The following VPS13A variants were observed in gnomAD, a reference collection of about 807,000 sequenced individuals.
VPS13A encodes the protein vacuolar protein sorting 13 homolog A.
VPS13A carries 264 observed loss-of-function variants against 390.9 expected under a neutral mutation model. The ratio of observed to expected loss-of-function variants is 0.68; its 90% confidence interval spans 0.61 to 0.75. VPS13A has a LOEUF of 0.75. Ranked by LOEUF, VPS13A falls within the 30% of genes least tolerant of loss-of-function variation. The probability of loss-of-function intolerance (pLI) is 0.00; values close to 1 mark genes in which losing one functional copy is unlikely to be tolerated. For missense variants in VPS13A, 3,409 were observed against 3,733.9 expected, an observed-to-expected ratio of 0.91 and a Z score of 2.27; for synonymous variants, 1,231 against 1,227.1, an observed-to-expected ratio of 1.00 and a Z score of -0.07.
At chr9:77,281,524 A>G (rs1789069641) in intron 27 of VPS13A, among the ~76,000 whole-genome samples, 1 of 152,116 alleles carries the variant, frequency 6.6e-6, no homozygotes. Context: ...TTTTAAATAC[A>G]GGAAGAATTA....
intron 67 of VPS13A, among the ~76,000 whole-genome samples, chr9:77,376,510 T>A (rs1411852651): frequency 6.6e-6 from 1 of 152,140 alleles, no homozygotes; most frequent in South Asian, 2.1e-4. Context: ...TTAAAGATAG[T>A]GGCAATAGCA....
At chr9:77,387,181 C>G (rs1375990606) in intron 68 of VPS13A, among the ~76,000 whole-genome samples, 1 of 149,968 alleles carries the variant, frequency 6.7e-6, no homozygotes, top group African/African-American at 2.4e-5. Context: ...CACCATTGTT[C>G]TCTTGATGGA....
chr9:77,373,818 T>G (rs1832926609), intron 67 of VPS13A, among the ~76,000 whole-genome samples: 1 of 151,778 alleles, frequency 6.6e-6, no homozygotes, highest in Non-Finnish European at 1.5e-5. Flanking sequence ...CATCAAAAAG[T>G]GGGCGAAGGA....
Position 77,295,697 on chromosome 9 carries a change from G to A in VPS13A, c.3663G>A (p.Pro1221=), listed in dbSNP as rs746940666. Residue 1221 remains proline, a synonymous_variant, in exon 33 of 72, where the codon CCG becomes CCA. Transcript: ENST00000360280. ...TCAAAGCCCCAGTTGTGGTCATCCCGCAGTCTCCAGTTTCTGAAAATGTTT... is the reference window on the plus strand; with the variant it reads ...TCAAAGCCCCAGTTGTGGTCATCCCACAGTCTCCAGTTTCTGAAAATGTTT... ...INIKAPVVVI[P]QSPVSENVFV... The A allele has an allele frequency of 2.1e-5, 34 of 1,613,854 alleles. No individual in the cohort carries two copies. The highest frequency in any genetic ancestry group is 1.6e-4 in the Middle Eastern group (1 of 6,082).
At chr9:77,381,067 C>A (rs1370470644) in intron 67 of VPS13A, among the ~76,000 whole-genome samples, 1 of 152,176 alleles carries the variant, frequency 6.6e-6, no homozygotes, top group Non-Finnish European at 1.5e-5. Flanking sequence ...ATTGAGTGGT[C>A]ACTTATGACC....
intron 46 of VPS13A, among the ~76,000 whole-genome samples, chr9:77,335,582 G>T (rs1360904720): frequency 6.6e-6 from 1 of 152,136 alleles, no homozygotes; most frequent in Non-Finnish European, 1.5e-5. Flanking sequence ...CATTTATGTG[G>T]CCAACAAATG....
chr9:77,211,464 C>A (rs1825969436), intron 7 of VPS13A: 1 of 152,000 alleles, frequency 6.6e-6, no homozygotes, highest in South Asian at 2.1e-4. Flanking sequence ...CTGTGTATTT[C>A]ATTGCATGAT....
At chr9:77,332,876 T>C (rs1830348716) in intron 46 of VPS13A, among the ~76,000 whole-genome samples, 2 of 152,196 alleles carry the variant, frequency 1.3e-5, no homozygotes, top group Admixed American at 1.3e-4. Context: ...CTGCAAACAG[T>C]GCTTACCTGT....
chr9:77,206,010 C>G lies in VPS13A; in HGVS notation c.316C>G (p.Gln106Glu). Residue 106 changes from glutamine to glutamate, a missense_variant, in exon 5 of 72, where the codon CAA (glutamine) becomes GAA (glutamate). By Grantham distance (29) the Gln-to-Glu change is conservative (BLOSUM62 2). Around this residue, in one of 5 missense-constraint regions of VPS13A, gnomAD observed 2,717 missense variants for 2,917.4 expected, o/e 0.93. Coordinates refer to ENST00000360280, the MANE Select transcript of VPS13A (RefSeq NM_033305.3). Reference protein sequence around the residue: ...IKYDPLKEEKQLMEAKQQELK... With the variant: ...IKYDPLKEEKELMEAKQQELK... ...ATATGATCCTTTAAAAGAAGAGAAA[C>G]AACTCATGGAAGCAAAGCAACAGGA... The G allele has an allele frequency of 6.3e-7, 1 of 1,581,266 alleles. No homozygotes were observed. Among genetic ancestry groups the G allele is most frequent in the Non-Finnish European group, 8.6e-7 (1 of 1,161,780 alleles).
At chr9:77,315,132 C>A in intron 37 of VPS13A, 121 bp from the exon 38 acceptor site, 2 of 859,226 alleles carry the variant, frequency 2.3e-6, no homozygotes, top group Non-Finnish European at 3.7e-6. Flanking sequence ...TCCCAAGAGA[C>A]ATGACTTCAG....
chr9:77,228,217 A>G lies in VPS13A; in HGVS notation c.1548A>G (p.Glu516=), dbSNP rs753028293. 39 of 1,603,958 alleles carry G rather than the reference A, an allele frequency of 2.4e-5. No individual in the cohort carries two copies. The highest frequency in any genetic ancestry group is 3.3e-5 in the Non-Finnish European group (39 of 1,174,918). Residue 516 remains glutamate, a synonymous_variant, in exon 17 of 72, where the codon GAA becomes GAG. Coordinates refer to ENST00000360280, the MANE Select transcript of VPS13A (RefSeq NM_033305.3). ...QKPELVDIVI[E]EFSTLIVQRP... is the part of the protein sequence containing the mutation. The stretch of plus-strand genomic sequence containing the variant: ...CTGAGCTGGTAGATATTGTAATAGA[A>G]GAATTTAGCACCTTAATTGTGCAAA...
rs535817100 is a variant in VPS13A at position 77,224,917 on chromosome 9, C to T, written c.1162-1009C>T. 3.2e-4 allele frequency among the ~76,000 whole-genome samples: 49 copies of T among 152,332 alleles called. 1 individual carries two copies. The highest frequency in any genetic ancestry group is 1.1e-3 in the African/African-American group (46 of 41,576). On this transcript the variant is annotated intron_variant, in intron 13 of 71. Transcript: ENST00000360280. ...TTGCAATAGCCACCCCAACCTTCAGCAATCACCACCCTGATGAGTCAGCAG... is the reference window on the plus strand; with the variant it reads ...TTGCAATAGCCACCCCAACCTTCAGTAATCACCACCCTGATGAGTCAGCAG...
intron 45 of VPS13A, among the ~76,000 whole-genome samples, chr9:77,328,131 A>C (rs182359539): frequency 3.7e-4 from 56 of 152,316 alleles, no homozygotes; most frequent in African/African-American, 1.3e-3. Context: ...TACAGAATAG[A>C]TGTTGTGTTA....
At chr9:77,278,369 G>A (rs1826819599) in intron 26 of VPS13A, among the ~76,000 whole-genome samples, 1 of 151,214 alleles carries the variant, frequency 6.6e-6, no homozygotes, top group African/African-American at 2.4e-5. Context: ...CACCGCGCCT[G>A]GCCACACTTA....
At chr9:77,268,688 C>G (rs556726238) in intron 23 of VPS13A, among the ~76,000 whole-genome samples, 324 of 152,132 alleles carry the variant, frequency 2.1e-3, no homozygotes, top group Non-Finnish European at 3.6e-3. Flanking sequence ...ATCTGTAATC[C>G]CAGCACTTAG....
chr9:77,402,785 CAAAG>C (rs769332224), intron 68 of VPS13A, among the ~76,000 whole-genome samples: 7 of 152,134 alleles, frequency 4.6e-5, no homozygotes, highest in Middle Eastern at 3.4e-3. Flanking sequence ...GTGAGATTGA[CAAAG>C]AAAAGCATAT....
At chr9:77,222,352 T>C (rs1823268775) in intron 13 of VPS13A, among the ~76,000 whole-genome samples, 2 of 152,148 alleles carry the variant, frequency 1.3e-5, no homozygotes, top group African/African-American at 4.8e-5. Context: ...GGGGGAAACA[T>C]AGTTTGATCA....
intron 33 of VPS13A, among the ~76,000 whole-genome samples, chr9:77,296,911 A>C (rs1008225407): frequency 6.6e-6 from 1 of 152,078 alleles, no homozygotes; most frequent in Non-Finnish European, 1.5e-5. Flanking sequence ...TATCCATTTC[A>C]TCTAAGTTGT....
chr9:77,294,764 G>T lies in VPS13A; in HGVS notation c.3508-778G>T, dbSNP rs141296392. On this transcript the variant is annotated intron_variant, in intron 32 of 71. Transcript: ENST00000360280. ...CTGCAGCCCAGACTGGAGTGCAGTGGCGTGCTCCTAGCTCACTGCAGCCTC... is the reference window on the plus strand; with the variant it reads ...CTGCAGCCCAGACTGGAGTGCAGTGTCGTGCTCCTAGCTCACTGCAGCCTC... Among the ~76,000 whole-genome samples the T allele has an allele frequency of 7.2e-3, 1,100 of 152,260 alleles. 15 individuals are homozygous for T. The highest frequency in any genetic ancestry group is 0.025 in the African/African-American group (1,026 of 41,540).
Sources: gnomAD v4.1 joint callset for allele counts (sites outside exome capture counted in the v4.1 genomes callset) on GRCh38, gnomAD v4.1.1 for gene constraint, gnomAD v4.1.1 regional missense constraint, MANE v1.5 for transcripts, NCBI Gene and HGNC (gene_info 2026-07-23, HGNC 2026-07-21) for gene names.